UBE2R2: variants seen among roughly 807,000 people sequenced by gnomAD.
UBE2R2 encodes the protein ubiquitin-conjugating enzyme E2 R2.
UBE2R2 carries 1 observed loss-of-function variant against 27.8 expected under a neutral mutation model. That is an observed-to-expected ratio of 0.04 (90% CI 0.01 to 0.17). The LOEUF (loss-of-function observed/expected upper bound fraction) is 0.17. Ranked by LOEUF, UBE2R2 falls within the 10% of genes least tolerant of loss-of-function variation. The pLI is 1.00. For synonymous variants in UBE2R2, 106 were observed against 113.3 expected (o/e 0.94, Z 0.41); for missense variants, 100 against 291.0 (o/e 0.34, Z 4.78).
intron 2 of UBE2R2, among the ~76,000 whole-genome samples, chr9:33,889,264 A>G (rs932875008): frequency 4.6e-5 from 7 of 152,238 alleles, no homozygotes; most frequent in Non-Finnish European, 7.3e-5. Flanking sequence ...TGGGAATTCC[A>G]AGACCAAGCC....
chr9:33,900,344 G>T, intron 3 of UBE2R2, 73 bp downstream of exon 3: 1 of 1,105,144 alleles, frequency 9.0e-7, no homozygotes, highest in Non-Finnish European at 1.3e-6. Context: ...ATAAAATTAT[G>T]TATTGTCTTT....
Position 33,910,873 on chromosome 9 carries a change from C to T in UBE2R2, c.363-1091C>T, listed in dbSNP as rs368330525. Among the ~76,000 whole-genome samples, 29 of 152,176 alleles carry T rather than the reference C, an allele frequency of 1.9e-4. 3 individuals carry two copies. Among genetic ancestry groups the T allele is most frequent in the South Asian group, 6.2e-4 (3 of 4,824 alleles). ...ATCCCAGCACTTTGGGAGGCCAAGG[C>T]GGGCAGTTCACTTAAGGCCAGGAGT... On this transcript the variant is annotated intron_variant, in intron 3 of 4. Coordinates refer to ENST00000263228, the MANE Select transcript of UBE2R2 (RefSeq NM_017811.4).
chr9:33,854,469 G>A (rs191265717), intron 1 of UBE2R2, among the ~76,000 whole-genome samples: 14 of 151,910 alleles, frequency 9.2e-5, no homozygotes, highest in Non-Finnish European at 1.3e-4. Flanking sequence ...ACAGGTGCCC[G>A]CCACCATGCC....
At chr9:33,845,250 CTT>C (rs775624392) in intron 1 of UBE2R2, among the ~76,000 whole-genome samples, 18 of 140,002 alleles carry the variant, frequency 1.3e-4, no homozygotes, top group Middle Eastern at 3.4e-3. Context: ...GTGGCACAAT[CTT>C]TTTTTTTTTT....
intron 1 of UBE2R2, among the ~76,000 whole-genome samples, chr9:33,875,942 C>G (rs1821593535): frequency 6.6e-6 from 1 of 152,264 alleles, no homozygotes; most frequent in African/African-American, 2.4e-5. Flanking sequence ...TATCTTATTT[C>G]ATAAAATTTC....
intron 1 of UBE2R2, among the ~76,000 whole-genome samples, chr9:33,847,912 C>T (rs561607247): frequency 8.6e-5 from 13 of 151,980 alleles, no homozygotes; most frequent in South Asian, 2.1e-4. Flanking sequence ...CCACCACACT[C>T]GGCTAGTTTT....
rs747854717 is a variant in UBE2R2, at chr9:33,917,486, CTTTT to C, written c.*253_*256del. The C allele has an allele frequency of 1.7e-6, 1 of 571,708 alleles. No individual in the cohort carries two copies. The highest frequency in any genetic ancestry group is 3.0e-6 in the Non-Finnish European group (1 of 336,908). 35.4% of individuals were successfully genotyped at this position (571,708 alleles called of 1,614,324 possible). On this transcript the variant is annotated 3_prime_UTR_variant, in exon 5 of 5. Transcript: ENST00000263228. ...TTACCCTTCCATCACTATATTGATT[CTTTT>C]TTTAAAAAATATGAACCCAAACTCC... is the stretch of plus-strand genomic sequence containing the variant.
chr9:33,850,644 C>T (rs896475942), intron 1 of UBE2R2, among the ~76,000 whole-genome samples: 2 of 151,900 alleles, frequency 1.3e-5, no homozygotes, highest in Admixed American at 6.6e-5. Flanking sequence ...ATCGGGATTC[C>T]TTTTTGCCTT....
chr9:33,916,300 C>T (rs966182759), intron 4 of UBE2R2, among the ~76,000 whole-genome samples: 7 of 152,130 alleles, frequency 4.6e-5, no homozygotes, highest in African/African-American at 9.7e-5. Context: ...GAGATCACGC[C>T]GCTGCACTCC....
intron 1 of UBE2R2, among the ~76,000 whole-genome samples, chr9:33,841,011 G>GC (rs1213189625): frequency 4.6e-5 from 7 of 151,880 alleles, no homozygotes; most frequent in Non-Finnish European, 1.0e-4. Flanking sequence ...TGCAACCTCT[G>GC]CCCCCCGGGT....
At chr9:33,863,781 G>A (rs1052466101) in intron 1 of UBE2R2, among the ~76,000 whole-genome samples, 1 of 151,886 alleles carries the variant, frequency 6.6e-6, no homozygotes. Context: ...TCCGCCTCTC[G>A]GATTCAATGG....
chr9:33,816,761 A>C (rs375840657), upstream of UBE2R2, among the ~76,000 whole-genome samples: 1 of 152,164 alleles, frequency 6.6e-6, no homozygotes, highest in African/African-American at 2.4e-5. Context: ...CCGTCCCAGG[A>C]TGGCTGCGGA....
rs552928944 is a variant in UBE2R2 at position 33,848,648 on chromosome 9, C to T, written c.177+30714C>T. On this transcript the variant is annotated intron_variant, in intron 1 of 4. Coordinates refer to ENST00000263228, the MANE Select transcript of UBE2R2 (RefSeq NM_017811.4). The stretch of plus-strand genomic sequence containing the variant: ...TGGAGTCTTGCTGTTGTAGCCTGGG[C>T]TGGAGTGCAATGGCGTGATCTCGGC... 4.0e-5 allele frequency among the ~76,000 whole-genome samples: 6 copies of T among 151,214 alleles called. No individual in the cohort carries two copies. The East Asian group carries it at 1.2e-3, about 29-fold the overall frequency.
intron 1 of UBE2R2, among the ~76,000 whole-genome samples, chr9:33,855,723 T>G (rs1007006620): frequency 1.3e-5 from 2 of 152,116 alleles, no homozygotes; most frequent in African/African-American, 4.8e-5. Context: ...AGGAAACTTG[T>G]AAGAGGAAAG....
At chr9:33,896,799 A>G (rs1213518367) in intron 2 of UBE2R2, among the ~76,000 whole-genome samples, 4 of 151,792 alleles carry the variant, frequency 2.6e-5, no homozygotes, top group African/African-American at 7.3e-5. Context: ...ATTCCCATCT[A>G]TTCATAGCTT....
At chr9:33,818,528 G>GT (rs1450022186) in intron 1 of UBE2R2, 1 of 78,772 alleles carries the variant, frequency 1.3e-5, no homozygotes, top group Non-Finnish European at 2.7e-5. Flanking sequence ...CCTAGGGGTG[G>GT]TAAAAAAAAA....
intron 1 of UBE2R2, among the ~76,000 whole-genome samples, chr9:33,856,708 CTTTT>C (rs375057192): frequency 6.9e-6 from 1 of 144,536 alleles, no homozygotes; most frequent in Admixed American, 7.0e-5. Context: ...CTGAAGTTTT[CTTTT>C]TTTTTTTCTT....
chr9:33,887,905 G>C (rs924489958), intron 2 of UBE2R2, among the ~76,000 whole-genome samples: 1 of 152,146 alleles, frequency 6.6e-6, no homozygotes, highest in Non-Finnish European at 1.5e-5. Context: ...TTGAATTCCT[G>C]ACCTCGTGAT....
chr9:33,906,497 A>C (rs1368181173), intron 3 of UBE2R2, among the ~76,000 whole-genome samples: 1 of 152,042 alleles, frequency 6.6e-6, no homozygotes, highest in Non-Finnish European at 1.5e-5. Flanking sequence ...TGATATATAC[A>C]TGGGAGGTGG....
Sources: allele counts gnomAD v4.1 joint callset (sites outside exome capture counted in the v4.1 genomes callset), GRCh38; gene constraint gnomAD v4.1.1; transcripts MANE v1.5; gene names NCBI Gene and HGNC (gene_info 2026-07-23, HGNC 2026-07-21).